The following UBR2 variants were observed in gnomAD, a reference collection of about 807,000 sequenced individuals.
UBR2 encodes the protein ubiquitin protein ligase E3 component n-recognin 2.
Under a neutral mutation model 247.9 loss-of-function variants are expected in UBR2, and 92 were observed. The ratio of observed to expected loss-of-function variants is 0.37; its 90% confidence interval spans 0.31 to 0.44. The LOEUF (loss-of-function observed/expected upper bound fraction) is 0.44, where lower values mean the gene tolerates loss of function less well. Ranked by LOEUF, UBR2 falls within the 20% of genes least tolerant of loss-of-function variation. UBR2 has a pLI of 1.00. For missense variants in UBR2, 1,613 were observed against 2,112.6 expected (o/e 0.76, Z 4.64); for synonymous variants, 672 against 693.5 (o/e 0.97, Z 0.49).
At chr6:42,618,772 G>A (rs533699762) in intron 11 of UBR2, among the ~76,000 whole-genome samples, 9 of 152,336 alleles carry the variant, frequency 5.9e-5, no homozygotes, top group African/African-American at 2.2e-4. Context: ...GATGCTGAAA[G>A]TGGATATGAA....
intron 4 of UBR2, among the ~76,000 whole-genome samples, chr6:42,596,645 C>G (rs1011511806): frequency 6.6e-6 from 1 of 152,078 alleles, no homozygotes; most frequent in South Asian, 2.1e-4. Context: ...GAATATTTTT[C>G]GTCCATAAAA....
intron 22 of UBR2, 64 bp from the exon 23 acceptor site, chr6:42,650,220 G>A (rs969411207): frequency 7.5e-7 from 1 of 1,339,572 alleles, no homozygotes; most frequent in African/African-American, 1.4e-5. Context: ...TAATATCCAA[G>A]ACTATCTCTC....
chr6:42,632,376 A>T (rs952919753), intron 11 of UBR2, among the ~76,000 whole-genome samples, 176 bp from the exon 12 acceptor site: 2 of 152,086 alleles, frequency 1.3e-5, no homozygotes, highest in African/African-American at 2.4e-5. Flanking sequence ...CTTCATACAC[A>T]TGGCAATTGG....
chr6:42,661,349 T>C (rs886806537), intron 30 of UBR2, among the ~76,000 whole-genome samples: 2 of 152,168 alleles, frequency 1.3e-5, no homozygotes, highest in African/African-American at 4.8e-5. Context: ...AAGACAAAGT[T>C]GCTAATTTTA....
At chr6:42,635,320 A>C in intron 13 of UBR2, 98 bp from the exon 14 acceptor site, 1 of 1,230,870 alleles carries the variant, frequency 8.1e-7, no homozygotes, top group Non-Finnish European at 1.1e-6. Flanking sequence ...CTATGTTTTT[A>C]TAATCAATAT....
intron 41 of UBR2, among the ~76,000 whole-genome samples, chr6:42,679,163 G>A (rs1798889997): frequency 6.6e-6 from 1 of 152,226 alleles, no homozygotes; most frequent in Non-Finnish European, 1.5e-5. Flanking sequence ...TAGTATGAAT[G>A]TGGACTTGAC....
intron 11 of UBR2, among the ~76,000 whole-genome samples, chr6:42,626,977 C>T (rs1026084572): frequency 8.6e-5 from 13 of 152,016 alleles, no homozygotes; most frequent in Middle Eastern, 3.4e-3. Flanking sequence ...CAGATAGAGC[C>T]GATTTATGAA....
intron 2 of UBR2, among the ~76,000 whole-genome samples, chr6:42,589,843 C>T (rs1792538127): frequency 6.6e-6 from 1 of 152,210 alleles, no homozygotes; most frequent in African/African-American, 2.4e-5. Context: ...TTAGCTGTTA[C>T]TGGCATATCT....
chr6:42,645,721 C>G (rs1056707316), intron 21 of UBR2, 131 bp downstream of exon 21: 1 of 920,756 alleles, frequency 1.1e-6, no homozygotes, highest in Non-Finnish European at 1.6e-6. Context: ...GTGTATAATT[C>G]CGGTCACTCT....
At chr6:42,590,421 A>G (rs1424623934) in intron 2 of UBR2, among the ~76,000 whole-genome samples, 2 of 152,248 alleles carry the variant, frequency 1.3e-5, no homozygotes, top group African/African-American at 4.8e-5. Context: ...AAGCAAAAAG[A>G]CTGGCTCTCA....
intron 2 of UBR2, among the ~76,000 whole-genome samples, chr6:42,587,953 T>G (rs562556048): frequency 1.3e-5 from 2 of 152,238 alleles, no homozygotes; most frequent in African/African-American, 2.4e-5. Context: ...GGTATGTGGG[T>G]TTTTTTACCC....
chr6:42,574,887 C>T (rs140351238), intron 2 of UBR2, among the ~76,000 whole-genome samples: 2,063 of 151,966 alleles, frequency 0.014, 31 homozygotes, highest in East Asian at 0.08. Flanking sequence ...TTAATAGAGA[C>T]GGGGTTTCAC....
At position 42,650,402 on chromosome 6, in the gene UBR2, A is replaced by G; in HGVS notation, c.2565+16A>G. 6.3e-7 allele frequency: 1 copy of G among 1,592,366 alleles called. No individual in the cohort carries two copies. The highest frequency in any genetic ancestry group is 8.6e-7 in the Non-Finnish European group (1 of 1,162,718). On this transcript the variant is annotated intron_variant, in intron 23 of 46. Coordinates refer to ENST00000372901, the MANE Select transcript of UBR2 (RefSeq NM_001363705.2). ...ACAGTCCAAGGTAATTGGGAAAATT[A>G]AAAATGTAGCAGGGAAGGATTGCAT...
intron 20 of UBR2, among the ~76,000 whole-genome samples, chr6:42,644,993 T>C (rs1562351608): frequency 6.6e-6 from 1 of 152,178 alleles, no homozygotes; most frequent in Non-Finnish European, 1.5e-5. Context: ...TTATTACCTA[T>C]ATTTTCAGTC....
At chr6:42,640,384 G>GTA (rs1491455853) in intron 16 of UBR2, 114 bp downstream of exon 16, 1 of 470,102 alleles carries the variant, frequency 2.1e-6, no homozygotes, top group Non-Finnish European at 3.7e-6. Flanking sequence ...AACCAGTAAG[G>GTA]TGTGTGTGTG....
chr6:42,567,346 C>T (rs987082447), intron 1 of UBR2, among the ~76,000 whole-genome samples: 3 of 152,236 alleles, frequency 2.0e-5, no homozygotes, highest in East Asian at 3.9e-4. Context: ...AGAATTGACT[C>T]CATAAGTATG....
Position 42,652,541 on chromosome 6 carries a change from G to A in UBR2, c.2665G>A (p.Val889Ile), listed in dbSNP as rs2151967319. 6.2e-7 allele frequency: 1 copy of A among 1,613,152 alleles called. No homozygotes were observed. The highest frequency in any genetic ancestry group is 1.3e-5 in the African/African-American group (1 of 74,992). The change falls in exon 25 of 47, where the codon GTT becomes ATT. Residue 889 changes from valine (V) to isoleucine (I), a missense_variant. Physicochemically the swap from Val to Ile is conservative, Grantham distance 29. Around this residue, in one of 3 missense-constraint regions of UBR2, gnomAD observed 1,524 missense variants for 1,967.3 expected, o/e 0.77. Transcript: ENST00000372901. ...PPFCPLFASL[V>I]NILQSDVMLC... is the part of the protein sequence containing the mutation. The stretch of plus-strand genomic sequence containing the variant: ...ATTCTGCCCTCTGTTTGCAAGCCTG[G>A]TTAACATTTTGCAGTCAGATGTCAT...
At chr6:42,671,653 C>T (rs1393869768) in intron 36 of UBR2, among the ~76,000 whole-genome samples, 1 of 152,124 alleles carries the variant, frequency 6.6e-6, no homozygotes, top group Admixed American at 6.6e-5. Context: ...TATTTCTCTC[C>T]ATTCCTTCTT....
chr6:42,688,006 C>T (rs922958669), intron 44 of UBR2, among the ~76,000 whole-genome samples: 1 of 151,108 alleles, frequency 6.6e-6, no homozygotes, highest in Non-Finnish European at 1.5e-5. Context: ...GTTACTGATT[C>T]TTTTGAGTGT....
Sources: allele counts gnomAD v4.1 joint callset (sites outside exome capture counted in the v4.1 genomes callset), GRCh38; gene constraint gnomAD v4.1.1; regional missense constraint gnomAD v4.1.1; transcripts MANE v1.5; gene names NCBI Gene and HGNC (gene_info 2026-07-23, HGNC 2026-07-21).